Variants in ZNRF3 observed in about 807,000 individuals in gnomAD.
ZNRF3 encodes E3 ubiquitin-protein ligase ZNRF3.
In ZNRF3, 23 loss-of-function variants were observed where a neutral mutation model predicts 72.5. The ratio of observed to expected loss-of-function variants is 0.32; its 90% CI spans 0.23 to 0.45. The LOEUF is 0.45. Ranked by LOEUF, ZNRF3 falls within the 20% of genes least tolerant of loss-of-function variation. The pLI is 1.00. For missense variants in ZNRF3, 1,169 were observed against 1,272.1 expected (o/e 0.92, Z 1.23); for synonymous variants, 610 against 545.3 (o/e 1.12, Z -1.65).
At chr22:28,907,708 C>T (rs1188576605) in intron 1 of ZNRF3, among the ~76,000 whole-genome samples, 1 of 152,214 alleles carries the variant, frequency 6.6e-6, no homozygotes, top group Non-Finnish European at 1.5e-5. Flanking sequence ...CTCCACACCC[C>T]TGTACCCCTT....
intron 8 of ZNRF3, among the ~76,000 whole-genome samples, chr22:29,051,776 G>A (rs1431164514): frequency 1.3e-5 from 2 of 151,276 alleles, no homozygotes; most frequent in African/African-American, 4.9e-5. Flanking sequence ...GGCGTAGCGG[G>A]CACCTGTAAT....
rs2036054854 is a variant in ZNRF3 at position 28,996,962 on chromosome 22, A to G, written c.426+9761A>G. ...GCATGCCATCCTCATTGGGGTTTTG[A>G]TCACAGATCTGTATTTCCTGGGATA... On this transcript the variant is annotated intron_variant, in intron 2 of 8. Transcript: ENST00000544604. Among the ~76,000 whole-genome samples, 3 of 152,236 alleles carry G rather than the reference A, an allele frequency of 2.0e-5. 1 individual carries two copies. The highest frequency in any genetic ancestry group is 3.9e-4 in the East Asian group (2 of 5,180).
intron 1 of ZNRF3, chr22:28,917,396 A>T (rs2034428030): frequency 2.0e-6 from 2 of 985,380 alleles, no homozygotes; most frequent in Admixed American, 1.2e-4. Flanking sequence ...TGTGCACAGA[A>T]GTTTGCTGCA....
At chr22:28,992,905 G>T in intron 2 of ZNRF3, 1 of 152,484 alleles carries the variant, frequency 6.6e-6, no homozygotes, top group Non-Finnish European at 1.5e-5. Context: ...GAGTTGGGCA[G>T]GTTTTACAGA....
Position 28,943,482 on chromosome 22 carries a change from TTCTC to T in ZNRF3, c.301-43588_301-43585del, listed in dbSNP as rs71661463. Among the ~76,000 whole-genome samples the T allele has an allele frequency of 2.5e-3, 386 of 152,304 alleles. 14 individuals are homozygous for T. The East Asian group carries it at 0.054, about 21-fold the overall frequency. On this transcript the variant is annotated intron_variant, in intron 1 of 8. Coordinates refer to ENST00000544604, the MANE Select transcript of ZNRF3 (RefSeq NM_001206998.2). The stretch of plus-strand genomic sequence containing the variant: ...TTCCCAGCGTCCCTCAGCCTGTGTT[TTCTC>T]TCTCTAAAATATGAGGTTTGGAGAG...
chr22:28,981,991 T>TAAA lies in ZNRF3; in HGVS notation c.301-5076_301-5074dup, dbSNP rs548196669. ...CAGCCTGGGCAATGGAGACTCCGTC[T>TAAA]AAAAAAAAAAAGTTGTTTTCCAACT... On this transcript the variant is annotated intron_variant, in intron 1 of 8. Transcript: ENST00000544604. 4.2e-4 allele frequency among the ~76,000 whole-genome samples: 62 copies of TAAA among 146,304 alleles called. 2 individuals carry two copies. In the East Asian group the frequency reaches 0.012, roughly 29 times the overall value.
intron 2 of ZNRF3, among the ~76,000 whole-genome samples, chr22:29,033,685 G>A (rs747529523): frequency 2.6e-5 from 4 of 152,212 alleles, no homozygotes; most frequent in Non-Finnish European, 5.9e-5. Context: ...GTCAGAATCA[G>A]CAAAATTTGG....
At position 29,049,420 on chromosome 22, in the gene ZNRF3, C is replaced by T. The variant is rs748413932; in HGVS notation, c.1239C>T (p.Pro413=). The change falls in exon 8 of 9, where the codon CCC becomes CCT. Residue 413 remains proline, a synonymous_variant. Transcript: ENST00000544604. The surrounding 1 kb of genome is among the most constrained non-coding windows in gnomAD (Gnocchi z 5.2). ...AGAGCCTCTATTCCCCGCAGACCCC[C>T]GCCTACATCCGCAGCTACCCACCCC... The part of the protein sequence containing the change: ...GEQSLYSPQT[P]AYIRSYPPLH... 40 of 1,607,316 alleles carry T rather than the reference C, an allele frequency of 2.5e-5. No homozygotes were observed. Among genetic ancestry groups the T allele is most frequent in the African/African-American group, 8.0e-5 (6 of 74,918 alleles).
At chr22:29,003,249 G>T (rs1429663161) in intron 2 of ZNRF3, among the ~76,000 whole-genome samples, 1 of 152,198 alleles carries the variant, frequency 6.6e-6, no homozygotes, top group Non-Finnish European at 1.5e-5. Context: ...GGGCGCAGTG[G>T]CTCATGTCTG....
At chr22:28,986,604 G>A in intron 1 of ZNRF3, 1 of 985,264 alleles carries the variant, frequency 1.0e-6, no homozygotes, top group Non-Finnish European at 1.2e-6. Context: ...TGTGGTCTCT[G>A]CATAGAGTCC....
intron 1 of ZNRF3, among the ~76,000 whole-genome samples, chr22:28,968,569 C>T (rs1320503050): frequency 6.6e-6 from 1 of 151,930 alleles, no homozygotes; most frequent in Non-Finnish European, 1.5e-5. Context: ...ATTAGCCGGG[C>T]ATGGTGGCAC....
At position 29,056,565 on chromosome 22, in the gene ZNRF3, CTGAG is replaced by C. The variant is rs2037303444; in HGVS notation, c.*2946_*2949del. On this transcript the variant is annotated 3_prime_UTR_variant, in exon 9 of 9. Coordinates refer to ENST00000544604, the MANE Select transcript of ZNRF3 (RefSeq NM_001206998.2). Reference sequence around the variant, plus strand: ...TGACAGACACCCTTTTCGGTGGACTCTGAGTGGTGTGTAGTGGTTTTATAGCCAT... The same window carrying C: ...TGACAGACACCCTTTTCGGTGGACTCTGGTGTGTAGTGGTTTTATAGCCAT... The C allele has an allele frequency of 1.3e-5, 2 of 152,310 alleles. No individual in the cohort carries two copies. The highest frequency in any genetic ancestry group is 1.3e-4 in the Admixed American group (2 of 15,298). The allele number at this position is 152,310 out of a possible 1,614,324, so 9.4% of individuals were successfully genotyped here.
intron 1 of ZNRF3, among the ~76,000 whole-genome samples, chr22:28,893,569 C>T (rs1005163675): frequency 1.4e-5 from 2 of 146,992 alleles, no homozygotes; most frequent in Non-Finnish European, 3.0e-5. Context: ...GTGATCTTGG[C>T]TCCCTGCAAC....
intron 1 of ZNRF3, among the ~76,000 whole-genome samples, chr22:28,885,590 TAA>T (rs34201242): frequency 0.013 from 1,327 of 102,750 alleles, 18 homozygotes; most frequent in African/African-American, 0.039. Context: ...TACAGCCTTC[TAA>T]AAAAAAAAAA....
intron 1 of ZNRF3, among the ~76,000 whole-genome samples, chr22:28,898,414 A>T (rs1356122647): frequency 6.6e-6 from 1 of 152,236 alleles, no homozygotes; most frequent in Non-Finnish European, 1.5e-5. Flanking sequence ...AGGAGACAGT[A>T]GGAGGTGACA....
Position 29,050,286 on chromosome 22 carries a change from A to T in ZNRF3, c.2105A>T (p.Lys702Met). 1 of 1,597,828 alleles carries T rather than the reference A, an allele frequency of 6.3e-7. No homozygotes were observed. The highest frequency in any genetic ancestry group is 1.7e-5 in the Admixed American group (1 of 59,922). ...GCCCCTGACCTCAGGAGGACCTGGA[A>T]GGGGGGCCACGAGTTGCCGTCGTGT... is the stretch of plus-strand genomic sequence containing the variant. ...GAAPDLRRTW[K>M]GGHELPSCAC... Residue 702 changes from lysine to methionine, a missense_variant, in exon 8 of 9, where the codon AAG (lysine) becomes ATG (methionine). Lys to Met is a moderately conservative substitution (Grantham distance 95). This residue lies in a region of ZNRF3 where 783 missense variants were observed against 731.4 expected (regional missense o/e 1.07). Transcript: ENST00000544604.
intron 1 of ZNRF3, among the ~76,000 whole-genome samples, chr22:28,949,812 C>T (rs986068903): frequency 3.3e-5 from 5 of 152,168 alleles, no homozygotes; most frequent in Non-Finnish European, 5.9e-5. Context: ...GTCAGTTACT[C>T]GTTTAAGTAA....
At chr22:28,888,809 G>A (rs1445534284) in intron 1 of ZNRF3, among the ~76,000 whole-genome samples, 1 of 152,222 alleles carries the variant, frequency 6.6e-6, no homozygotes, top group Non-Finnish European at 1.5e-5. Context: ...GCTAGCAGAT[G>A]ACAAACCTGG....
At chr22:28,996,847 G>T (rs2036052934) in intron 2 of ZNRF3, among the ~76,000 whole-genome samples, 1 of 152,150 alleles carries the variant, frequency 6.6e-6, no homozygotes, top group Non-Finnish European at 1.5e-5. Context: ...TACCTGGATG[G>T]GTCTTTACTT....
Sources: allele counts gnomAD v4.1 joint callset (sites outside exome capture counted in the v4.1 genomes callset), GRCh38; gene constraint gnomAD v4.1.1; regional missense constraint gnomAD v4.1.1; non-coding constraint Gnocchi (gnomAD v3.1); transcripts MANE v1.5; gene names NCBI Gene and HGNC (gene_info 2026-07-23, HGNC 2026-07-21).